JPH3: variants seen among roughly 807,000 people sequenced by gnomAD.
JPH3 encodes junctophilin-3.
A neutral mutation model predicts 59.6 loss-of-function variants in JPH3; 11 were observed. The ratio of observed to expected loss-of-function variants is 0.18; its 90% confidence interval spans 0.12 to 0.31. The LOEUF (loss-of-function observed/expected upper bound fraction) is 0.31, where lower values mean the gene tolerates loss of function less well. Among genes scored for constraint, JPH3 ranks in the 10% least tolerant of loss-of-function variants. The pLI is 1.00. For synonymous variants in JPH3, 673 were observed against 483.6 expected (o/e 1.39, Z -5.14); for missense variants, 1,202 against 1,105.7 (o/e 1.09, Z -1.24).
chr16:87,696,103 G>T, intron 4 of JPH3: 1 of 457,760 alleles, frequency 2.2e-6, no homozygotes, highest in Admixed American at 2.3e-5. Context: ...CGGACTTTGG[G>T]AGTCCTCTGA....
rs113282433 is a variant in JPH3 at position 87,615,332 on chromosome 16, C to T, written c.382+11804C>T. Among the ~76,000 whole-genome samples, 444 of 152,346 alleles carry T rather than the reference C, an allele frequency of 2.9e-3. 1 individual carries two copies. Among genetic ancestry groups the T allele is most frequent in the African/African-American group, 0.01 (431 of 41,576 alleles). On this transcript the variant is annotated intron_variant, in intron 1 of 4. Transcript: ENST00000284262. ...GACCCAGGCAGAGTTGGTCTTTCAC[C>T]TCGCCCCCTTCCGGAGGCCCCGTAC... is the stretch of plus-strand genomic sequence containing the variant.
In JPH3 at chr16:87,644,514, G is replaced by A. The variant is rs2150845610; in HGVS notation, c.639G>A (p.Gly213=). 6.2e-7 allele frequency: 1 copy of A among 1,612,932 alleles called. No individual in the cohort carries two copies. The highest frequency in any genetic ancestry group is 8.5e-7 in the Non-Finnish European group (1 of 1,179,848). ...DSEILKSKKK[G]LFRRSLLSGL... ...AGATCCTCAAGAGCAAGAAGAAGGG[G>A]CTGTTTCGGCGCTCGCTGCTGAGTG... is the stretch of plus-strand genomic sequence containing the variant. Residue 213 remains glycine, a synonymous_variant, in exon 2 of 5, where the codon GGG becomes GGA. Transcript: ENST00000284262.
At chr16:87,671,966 G>T (rs1277729248) in intron 2 of JPH3, among the ~76,000 whole-genome samples, 2 of 152,210 alleles carry the variant, frequency 1.3e-5, no homozygotes, top group East Asian at 1.9e-4. Context: ...GGGGGTGGCC[G>T]CACCCAGCCT....
chr16:87,688,353 G>A (rs1411616924), intron 3 of JPH3, among the ~76,000 whole-genome samples: 1 of 152,228 alleles, frequency 6.6e-6, no homozygotes, highest in Non-Finnish European at 1.5e-5. Context: ...AGCCCAGCCT[G>A]GTGGCGTCGC....
intron 2 of JPH3, among the ~76,000 whole-genome samples, chr16:87,683,220 G>A (rs949664986): frequency 6.6e-6 from 1 of 152,250 alleles, no homozygotes; most frequent in Non-Finnish European, 1.5e-5. Context: ...ACAGCACAGC[G>A]GGCCGGCACC....
chr16:87,606,640 A>G (rs985838895), intron 1 of JPH3, among the ~76,000 whole-genome samples: 1 of 152,220 alleles, frequency 6.6e-6, no homozygotes, highest in Non-Finnish European at 1.5e-5. Context: ...GGTTGATAAC[A>G]ATACCTGTAA....
At chr16:87,636,422 C>T (rs825585) in intron 1 of JPH3, among the ~76,000 whole-genome samples, 104,649 of 152,132 alleles carry the variant, frequency 0.69, 37,143 homozygotes, top group Non-Finnish European at 0.79. Flanking sequence ...CAGGCGTGTG[C>T]GCTCAATAGC....
At chr16:87,656,720 C>T (rs1048919728) in intron 2 of JPH3, among the ~76,000 whole-genome samples, 12 of 152,304 alleles carry the variant, frequency 7.9e-5, no homozygotes, top group African/African-American at 2.9e-4. Context: ...GTGCCATGGG[C>T]ATGTGCTCGT....
At chr16:87,690,672 G>C in intron 4 of JPH3, 146 bp downstream of exon 4, 1 of 877,170 alleles carries the variant, frequency 1.1e-6, no homozygotes, top group Non-Finnish European at 1.6e-6. Flanking sequence ...GCCGGGAGTG[G>C]TGGCCCTCAG....
chr16:87,627,071 G>A (rs576580446), intron 1 of JPH3, among the ~76,000 whole-genome samples: 110 of 152,352 alleles, frequency 7.2e-4, no homozygotes, highest in African/African-American at 2.4e-3. Flanking sequence ...CTCAAGCCCG[G>A]GCCTGCCCCA....
In JPH3 at chr16:87,650,523, C is replaced by T. The variant is rs192377825; in HGVS notation, c.1160+5488C>T. ...AAATCAAAAGCTGGAAATGATAAAGCGTAGAGAGGAAGGTGTGTCAAAAGC... is the reference window on the plus strand; with the variant it reads ...AAATCAAAAGCTGGAAATGATAAAGTGTAGAGAGGAAGGTGTGTCAAAAGC... On this transcript the variant is annotated intron_variant, in intron 2 of 4. Coordinates refer to ENST00000284262, the MANE Select transcript of JPH3 (RefSeq NM_020655.4). Among the ~76,000 whole-genome samples, 11 of 152,228 alleles carry T rather than the reference C, an allele frequency of 7.2e-5. No homozygotes were observed. In the Middle Eastern group the frequency reaches 0.014, roughly 188 times the overall value.
At chr16:87,673,268 T>G (rs1157532592) in intron 2 of JPH3, among the ~76,000 whole-genome samples, 1 of 151,526 alleles carries the variant, frequency 6.6e-6, no homozygotes. Context: ...AAATGTAAAT[T>G]AAAACTACAA....
chr16:87,672,817 C>G (rs991655802), intron 2 of JPH3, among the ~76,000 whole-genome samples: 2 of 152,150 alleles, frequency 1.3e-5, no homozygotes, highest in African/African-American at 4.8e-5. Context: ...AAGCTGGATC[C>G]CTACCTCATA....
At chr16:87,620,005 G>C (rs1235365636) in intron 1 of JPH3, among the ~76,000 whole-genome samples, 2 of 152,126 alleles carry the variant, frequency 1.3e-5, no homozygotes, top group Admixed American at 6.5e-5. Flanking sequence ...GGAGCCCAAG[G>C]GCCCTCACAC....
rs184254887 is a variant in JPH3, at chr16:87,647,229, C to T, written c.1160+2194C>T. Among the ~76,000 whole-genome samples, 314 of 151,088 alleles carry T rather than the reference C, an allele frequency of 2.1e-3. 1 individual carries two copies. Among genetic ancestry groups the T allele is most frequent in the African/African-American group, 6.9e-3 (285 of 41,224 alleles). On this transcript the variant is annotated intron_variant, in intron 2 of 4. Transcript: ENST00000284262. The stretch of plus-strand genomic sequence containing the variant: ...AAGCCCAGGGGCTGGGCCGGGAGGG[C>T]GAGACCTGAGACCCATGCAAAGGAG...
At position 87,687,573 on chromosome 16, in the gene JPH3, A is replaced by G. The variant is rs2033448443; in HGVS notation, c.1286-2073A>G. Among the ~76,000 whole-genome samples, 4 of 152,338 alleles carry G rather than the reference A, an allele frequency of 2.6e-5. No individual in the cohort carries two copies. The South Asian group carries it at 8.3e-4, about 32-fold the overall frequency. On this transcript the variant is annotated intron_variant, in intron 3 of 4. Transcript: ENST00000284262. ...TTCCGGTGCCATCCGCCCCCGCCCC[A>G]GAGGCAGGAGGACTGAGCGTCGGAG...
intron 2 of JPH3, among the ~76,000 whole-genome samples, chr16:87,663,726 G>T (rs1192148445): frequency 6.6e-6 from 1 of 152,172 alleles, no homozygotes; most frequent in Non-Finnish European, 1.5e-5. Context: ...CTGCCACTCT[G>T]CACCAGCTCT....
intron 1 of JPH3, among the ~76,000 whole-genome samples, chr16:87,623,765 C>T (rs2031274228): frequency 6.6e-6 from 1 of 152,184 alleles, no homozygotes; most frequent in Non-Finnish European, 1.5e-5. Flanking sequence ...CAAGGACCCT[C>T]TGGGCAGATT....
At chr16:87,679,709 C>T (rs2033237799) in intron 2 of JPH3, among the ~76,000 whole-genome samples, 1 of 152,236 alleles carries the variant, frequency 6.6e-6, no homozygotes, top group Admixed American at 6.5e-5. Context: ...TTGACCTGCT[C>T]CTGGGCCAGG....
Sources: gnomAD v4.1 joint callset for allele counts (sites outside exome capture counted in the v4.1 genomes callset) on GRCh38, gnomAD v4.1.1 for gene constraint, MANE v1.5 for transcripts, NCBI Gene and HGNC (gene_info 2026-07-23, HGNC 2026-07-21) for gene names.